The following MEGF10 variants were observed in gnomAD, a reference collection of about 807,000 sequenced individuals.
MEGF10 encodes the protein multiple epidermal growth factor-like domains protein 10.
MEGF10 carries 86 observed loss-of-function variants against 147.5 expected under a neutral mutation model. The ratio of observed to expected loss-of-function variants is 0.58; its 90% CI spans 0.49 to 0.70. The LOEUF (loss-of-function observed/expected upper bound fraction) is 0.70. Among genes scored for constraint, MEGF10 ranks in the 30% least tolerant of loss-of-function variants. The pLI is 0.00. For missense variants in MEGF10, 1,329 were observed against 1,487.3 expected, an observed-to-expected ratio of 0.89 and a Z score of 1.75; for synonymous variants, 478 against 525.5, an observed-to-expected ratio of 0.91 and a Z score of 1.24.
chr5:127,444,365 A>T (rs1002587933), intron 19 of MEGF10: 1 of 152,240 alleles, frequency 6.6e-6, no homozygotes, highest in African/African-American at 2.4e-5. Flanking sequence ...GTGATCTTTC[A>T]TTATCACGTC....
At chr5:127,318,811 T>C (rs997948753) in intron 1 of MEGF10, among the ~76,000 whole-genome samples, 5 of 152,018 alleles carry the variant, frequency 3.3e-5, no homozygotes, top group African/African-American at 1.2e-4. Context: ...ACAAACAAAC[T>C]CAAACTCCTT....
the MEGF10 span, among the ~76,000 whole-genome samples, chr5:127,263,969 C>T: frequency 7.2e-5 from 11 of 152,112 alleles, no homozygotes; most frequent in Non-Finnish European, 7.4e-5. Flanking sequence ...AAGAGCAACA[C>T]AAATTCACAG....
chr5:127,391,391 C>G (rs1185644878), intron 5 of MEGF10, among the ~76,000 whole-genome samples: 1 of 151,854 alleles, frequency 6.6e-6, no homozygotes, highest in Non-Finnish European at 1.5e-5. Flanking sequence ...GCCTGGGCAA[C>G]ATGATGAAAC....
the MEGF10 span, among the ~76,000 whole-genome samples, chr5:127,262,536 G>A: frequency 1.3e-5 from 2 of 152,126 alleles, no homozygotes; most frequent in African/African-American, 2.4e-5. Context: ...GCTTCTGTGG[G>A]GGTTGCTGTC....
chr5:127,434,862 C>T, intron 15 of MEGF10, 41 bp downstream of exon 15: 1 of 1,594,382 alleles, frequency 6.3e-7, no homozygotes, highest in Non-Finnish European at 8.5e-7. Flanking sequence ...TGGTGATGAG[C>T]ACGCCCCGGA....
intron 4 of MEGF10, among the ~76,000 whole-genome samples, chr5:127,348,493 C>T (rs1320647763): frequency 6.6e-6 from 1 of 152,020 alleles, no homozygotes; most frequent in Non-Finnish European, 1.5e-5. Flanking sequence ...CCAGGTCACC[C>T]AAATATGCTA....
At chr5:127,441,948 GAGAC>G (rs1460663221) in intron 18 of MEGF10, among the ~76,000 whole-genome samples, 1 of 152,212 alleles carries the variant, frequency 6.6e-6, no homozygotes, top group Non-Finnish European at 1.5e-5. Context: ...GCTCACAACA[GAGAC>G]AGCCCAATTT....
the MEGF10 span, among the ~76,000 whole-genome samples, chr5:127,277,189 AAG>A: frequency 6.6e-6 from 1 of 152,212 alleles, no homozygotes. Flanking sequence ...CCCCAGGTGC[AAG>A]AGTTTTTGGA....
chr5:127,371,629 G>T (rs1156938190), intron 5 of MEGF10, among the ~76,000 whole-genome samples: 1 of 152,290 alleles, frequency 6.6e-6, no homozygotes, highest in African/African-American at 2.4e-5. Flanking sequence ...AAGAATTGCA[G>T]ACTACCTCGA....
At chr5:127,249,851 A>C in the MEGF10 span, among the ~76,000 whole-genome samples, 1 of 152,024 alleles carries the variant, frequency 6.6e-6, no homozygotes, top group Non-Finnish European at 1.5e-5. Flanking sequence ...CTGGTCTCCA[A>C]CTCCAAGATG....
intron 21 of MEGF10, among the ~76,000 whole-genome samples, chr5:127,448,868 G>C (rs895260809): frequency 6.6e-6 from 1 of 151,094 alleles, no homozygotes; most frequent in Non-Finnish European, 1.5e-5. Flanking sequence ...GGATGACAGA[G>C]TGAAATGAAG....
intron 13 of MEGF10, among the ~76,000 whole-genome samples, chr5:127,430,019 G>A (rs1765341958): frequency 2.0e-5 from 3 of 152,028 alleles, no homozygotes; most frequent in African/African-American, 7.2e-5. Context: ...CCCAACACTT[G>A]CAATTCCCAA....
intron 5 of MEGF10, among the ~76,000 whole-genome samples, chr5:127,394,620 T>A (rs914114938): frequency 4.6e-5 from 7 of 152,098 alleles, no homozygotes; most frequent in Non-Finnish European, 7.4e-5. Flanking sequence ...TTCTTAAAGA[T>A]TTTTTTCTTT....
intron 5 of MEGF10, among the ~76,000 whole-genome samples, chr5:127,373,458 G>A (rs1008733558): frequency 1.7e-4 from 26 of 152,138 alleles, no homozygotes; most frequent in Non-Finnish European, 2.6e-4. Context: ...AACCCATTGT[G>A]TCCCTTTGAC....
At chr5:127,346,480 A>G (rs969024722) in intron 4 of MEGF10, among the ~76,000 whole-genome samples, 6 of 151,932 alleles carry the variant, frequency 3.9e-5, no homozygotes. Context: ...ATTTTTTCAT[A>G]TGTTTGTTGG....
intron 1 of MEGF10, among the ~76,000 whole-genome samples, chr5:127,314,970 A>G (rs1416568540): frequency 2.0e-5 from 3 of 152,146 alleles, no homozygotes; most frequent in African/African-American, 4.8e-5. Flanking sequence ...TGTTTCCAAT[A>G]TTTGCAGTAA....
Position 127,311,930 on chromosome 5 carries a change from C to T in MEGF10, c.-18-19361C>T, listed in dbSNP as rs545644921. Among the ~76,000 whole-genome samples, 5 of 152,254 alleles carry T rather than the reference C, an allele frequency of 3.3e-5. No individual in the cohort carries two copies. The East Asian group carries it at 5.8e-4, about 18-fold the overall frequency. ...TCAATCATCTGAGGGACTAGATATC[C>T]AGAGAAGCCAGCTTCTCAGTGTTGC... On this transcript the variant is annotated intron_variant, in intron 1 of 24. Coordinates refer to ENST00000503335, the MANE Select transcript of MEGF10 (RefSeq NM_001256545.2).
the MEGF10 span, among the ~76,000 whole-genome samples, chr5:127,273,677 C>T: frequency 6.6e-6 from 1 of 152,186 alleles, no homozygotes; most frequent in African/African-American, 2.4e-5. Context: ...TACTTCTCTG[C>T]TTTTGAAAAG....
chr5:127,415,328 T>C (rs1307347776), intron 9 of MEGF10, among the ~76,000 whole-genome samples: 1 of 152,220 alleles, frequency 6.6e-6, no homozygotes, highest in Non-Finnish European at 1.5e-5. Flanking sequence ...ATAAATTGTA[T>C]AGTCACTGTA....
Sources: allele counts gnomAD v4.1 joint callset (sites outside exome capture counted in the v4.1 genomes callset), GRCh38; gene constraint gnomAD v4.1.1; transcripts MANE v1.5; gene names NCBI Gene and HGNC (gene_info 2026-07-23, HGNC 2026-07-21).